Variants in KIF15 observed in about 807,000 individuals in gnomAD.
KIF15 encodes the protein kinesin-like protein KIF15.
KIF15 carries 140 observed loss-of-function variants against 190.6 expected under a neutral mutation model. The ratio of observed to expected loss-of-function variants is 0.73; its 90% confidence interval spans 0.64 to 0.84. The LOEUF is 0.84. Among genes scored for constraint, KIF15 ranks in the 40% least tolerant of loss-of-function variants. KIF15 has a pLI of 0.00. For synonymous variants in KIF15, 528 were observed against 551.3 expected, an observed-to-expected ratio of 0.96 and a Z score of 0.59; for missense variants, 1,372 against 1,584.4, an observed-to-expected ratio of 0.87 and a Z score of 2.28.
rs56009369 is a variant in KIF15, at chr3:44,789,642, TTATATATA to T, written c.639+3111_639+3118del. Among the ~76,000 whole-genome samples, 367 of 113,516 alleles carry T rather than the reference TTATATATA, an allele frequency of 3.2e-3. 2 individuals carry two copies. The highest frequency in any genetic ancestry group is 1.0e-2 in the African/African-American group (268 of 26,932). The allele number at this position is 113,516 out of a possible 152,430, so 74.5% of individuals were successfully genotyped here. On this transcript the variant is annotated intron_variant, in intron 7 of 34. Transcript: ENST00000326047. Reference sequence around the variant, plus strand: ...GTTTCATTGCGATTTTTGTCTAATTTTATATATATATATATATATATATATATATATAT... The same window carrying T: ...GTTTCATTGCGATTTTTGTCTAATTTTATATATATATATATATATATATAT...
intron 6 of KIF15, among the ~76,000 whole-genome samples, chr3:44,860,792 T>C (rs1249809975): frequency 6.6e-6 from 1 of 152,214 alleles, no homozygotes; most frequent in East Asian, 1.9e-4. Context: ...AAACAGTATG[T>C]TCAACTGTGA....
At chr3:44,796,497 T>G (rs1313932357) in intron 8 of KIF15, among the ~76,000 whole-genome samples, 1 of 152,210 alleles carries the variant, frequency 6.6e-6, no homozygotes, top group African/African-American at 2.4e-5. Context: ...GAAACCGAAG[T>G]CACACAGCTA....
intron 24 of KIF15, among the ~76,000 whole-genome samples, chr3:44,829,514 T>TA: frequency 7.8e-6 from 1 of 128,742 alleles, no homozygotes; most frequent in Admixed American, 9.0e-5. Context: ...TATACGCATA[T>TA]ATATTATATG....
At chr3:44,807,118 A>C (rs1707541883) in intron 16 of KIF15, among the ~76,000 whole-genome samples, 1 of 152,272 alleles carries the variant, frequency 6.6e-6, no homozygotes, top group South Asian at 2.1e-4. Flanking sequence ...ATATAAATAG[A>C]TGTTTATTTA....
intron 4 of KIF15, among the ~76,000 whole-genome samples, chr3:44,779,082 C>A (rs1333336510): frequency 1.4e-5 from 2 of 146,864 alleles, no homozygotes; most frequent in Non-Finnish European, 3.0e-5. Flanking sequence ...TTATTTTATT[C>A]TTTAGGTTAT....
chr3:44,847,070 G>A lies in KIF15; in HGVS notation c.3696-915G>A, dbSNP rs142746502. On this transcript the variant is annotated intron_variant, in intron 30 of 34. Coordinates refer to ENST00000326047, the MANE Select transcript of KIF15 (RefSeq NM_020242.3). ...TACTGTCTCGTTCTTGACAGAAGAC[G>A]TTTGCCAATCCTTGGATTAGTGGAC... Among the ~76,000 whole-genome samples, 529 of 152,308 alleles carry A rather than the reference G, an allele frequency of 3.5e-3. 3 individuals carry two copies. The highest frequency in any genetic ancestry group is 0.01 in the Middle Eastern group (3 of 294).
chr3:44,797,523 T>C, intron 8 of KIF15, 28 bp from the exon 9 acceptor site: 1 of 1,607,692 alleles, frequency 6.2e-7, no homozygotes. Flanking sequence ...CGTACCTAAA[T>C]TTTTGTTCTT....
chr3:44,810,936 A>G lies in KIF15; in HGVS notation c.2062A>G (p.Thr688Ala). 3 of 1,613,716 alleles carry G rather than the reference A, an allele frequency of 1.9e-6. No individual in the cohort carries two copies. The highest frequency in any genetic ancestry group is 2.5e-6 in the Non-Finnish European group (3 of 1,179,798). The change falls in exon 17 of 35, where the codon ACT (threonine) becomes GCT (alanine). Residue 688 changes from threonine to alanine, a missense_variant. By Grantham distance (58) the Thr-to-Ala change is moderately conservative. Transcript: ENST00000326047. ...AATGGGAAGCTTTGGCTCTCTATAC[A>G]CTCAGAATTCTAGCATATTAGATAA... Reference protein sequence around the residue: ...PEMGSFGSLYTQNSSILDNDI... With the variant: ...PEMGSFGSLYAQNSSILDNDI...
chr3:44,790,537 C>T (rs1195640023), intron 7 of KIF15, among the ~76,000 whole-genome samples: 3 of 151,868 alleles, frequency 2.0e-5, no homozygotes, highest in African/African-American at 7.3e-5. Flanking sequence ...TAGTATATAT[C>T]TTCCTTTTAT....
Position 44,794,374 on chromosome 3 carries a change from T to G in KIF15, c.797T>G (p.Leu266Ter). 1 of 1,612,906 alleles carries G rather than the reference T, an allele frequency of 6.2e-7. No individual in the cohort carries two copies. Among genetic ancestry groups the G allele is most frequent in the Non-Finnish European group, 8.5e-7 (1 of 1,179,260 alleles). The part of the protein sequence containing the change: ...IRTSLLNLVD[L>*]AGSERQKDTH... The stretch of plus-strand genomic sequence containing the variant: ...ACCTCCCTACTCAACCTGGTGGATT[T>G]AGCAGGATCTGAAAGGCAAAAAGAT... The change falls in exon 8 of 35, where the codon TTA becomes TGA. Residue 266 changes from leucine (L) to a stop codon, truncating the protein, a stop_gained. Transcript: ENST00000326047. LOFTEE classifies it high-confidence loss of function.
intron 20 of KIF15, among the ~76,000 whole-genome samples, chr3:44,825,308 T>C (rs1352307565): frequency 6.6e-6 from 1 of 152,244 alleles, no homozygotes; most frequent in African/African-American, 2.4e-5. Flanking sequence ...ATTGCCCATG[T>C]ATCTGTCTTT....
chr3:44,793,932 G>C (rs1706843040), intron 7 of KIF15, among the ~76,000 whole-genome samples: 1 of 148,282 alleles, frequency 6.7e-6, no homozygotes, highest in African/African-American at 2.5e-5. Flanking sequence ...TCAGGCTGGA[G>C]TGCAGTGGCA....
chr3:44,803,503 C>T (rs893167013), intron 14 of KIF15, among the ~76,000 whole-genome samples: 1 of 152,164 alleles, frequency 6.6e-6, no homozygotes, highest in Non-Finnish European at 1.5e-5. Context: ...CATAAGTTTG[C>T]ATACTATGTG....
chr3:44,853,787 T>C (rs571647893), downstream of KIF15, among the ~76,000 whole-genome samples: 1 of 152,242 alleles, frequency 6.6e-6, no homozygotes, highest in Non-Finnish European at 1.5e-5. Context: ...ACTAATGCTA[T>C]TGAACATTTT....
intron 17 of KIF15, among the ~76,000 whole-genome samples, chr3:44,811,501 C>T (rs1292867750): frequency 6.6e-6 from 1 of 151,984 alleles, no homozygotes; most frequent in Admixed American, 6.6e-5. Context: ...CAAAATTAGC[C>T]GGGTGTGGTG....
At chr3:44,836,199 T>C (rs955522854) in intron 26 of KIF15, among the ~76,000 whole-genome samples, 3 of 151,590 alleles carry the variant, frequency 2.0e-5, no homozygotes, top group Admixed American at 6.6e-5. Flanking sequence ...ATACAAAAAT[T>C]AGAAAAATTA....
At chr3:44,840,954 G>T (rs575786731) in intron 28 of KIF15, 120 bp from the exon 29 acceptor site, 242 of 957,942 alleles carry the variant, frequency 2.5e-4, no homozygotes, top group African/African-American at 1.9e-3. Flanking sequence ...GATTACAGGT[G>T]TGAGCCACCA....
chr3:44,815,312 G>A (rs965258074), intron 20 of KIF15, among the ~76,000 whole-genome samples: 1 of 152,198 alleles, frequency 6.6e-6, no homozygotes, highest in African/African-American at 2.4e-5. Context: ...TCTATGTGTT[G>A]CTCTTATTCC....
intron 13 of KIF15, among the ~76,000 whole-genome samples, chr3:44,802,329 G>C (rs1707316529): frequency 6.6e-6 from 1 of 152,154 alleles, no homozygotes; most frequent in Non-Finnish European, 1.5e-5. Context: ...GGTCATACAG[G>C]TACATTGTGG....
Sources: gnomAD v4.1 joint callset for allele counts (sites outside exome capture counted in the v4.1 genomes callset) on GRCh38, gnomAD v4.1.1 for gene constraint, MANE v1.5 for transcripts, NCBI Gene and HGNC (gene_info 2026-07-23, HGNC 2026-07-21) for gene names.